LRP5: variants seen among roughly 807,000 people sequenced by gnomAD.
The protein encoded by LRP5 is low-density lipoprotein receptor-related protein 5.
LRP5 carries 62 observed loss-of-function variants against 154.1 expected under a neutral mutation model. That is an observed-to-expected ratio of 0.40 (90% CI 0.33 to 0.50). The LOEUF (loss-of-function observed/expected upper bound fraction) is 0.50, where lower values mean the gene tolerates loss of function less well. LRP5 is among the 20% of genes least tolerant of loss of function. The pLI, the probability that LRP5 is intolerant of heterozygous loss-of-function variation, is 0.55. For missense variants in LRP5, 1,915 were observed against 2,336.7 expected (o/e 0.82, Z 3.72); for synonymous variants, 966 against 1,011.5 (o/e 0.96, Z 0.85).
chr11:68,377,190 AGGAGGGGCTGGCT>A (rs1200590560), intron 5 of LRP5, among the ~76,000 whole-genome samples: 1 of 152,114 alleles, frequency 6.6e-6, no homozygotes. Flanking sequence ...GGGGGGCCAC[AGGAGGGGCTGGCT>A]GGCACCGAGG....
intron 1 of LRP5, among the ~76,000 whole-genome samples, chr11:68,337,287 T>C (rs1473805980): frequency 1.3e-5 from 2 of 152,194 alleles, no homozygotes; most frequent in Non-Finnish European, 2.9e-5. Context: ...AGCTTTGGCA[T>C]CTGGCAGAAC....
intron 13 of LRP5, among the ~76,000 whole-genome samples, chr11:68,421,686 C>CTCTG (rs1554973693): frequency 7.5e-6 from 1 of 133,330 alleles, no homozygotes; most frequent in East Asian, 2.3e-4. Flanking sequence ...CCCAGCAAGG[C>CTCTG]TGTGTGTGTG....
At chr11:68,338,152 G>A (rs1459928581) in intron 1 of LRP5, among the ~76,000 whole-genome samples, 1 of 152,182 alleles carries the variant, frequency 6.6e-6, no homozygotes, top group African/African-American at 2.4e-5. Context: ...ATTCCTGACT[G>A]ATTAATCTCT....
Position 68,386,487 on chromosome 11 carries a change from C to T in LRP5, c.1187C>T (p.Ala396Val), listed in dbSNP as rs2098643108. ...TACTGGACAGATGACGAGGTGCGGG[C>T]CATCCGCAGGGCGTACCTGGACGGG... The part of the protein sequence containing the change: ...YVYWTDDEVR[A>V]IRRAYLDGSG... Residue 396 changes from alanine (A) to valine (V), a missense_variant, in exon 6 of 23, where the codon GCC (alanine) becomes GTC (valine). Ala to Val is a moderately conservative substitution (Grantham distance 64). Around this residue, in one of 3 missense-constraint regions of LRP5, gnomAD observed 773 missense variants for 1,100.9 expected, o/e 0.70. Coordinates refer to ENST00000294304, the MANE Select transcript of LRP5 (RefSeq NM_002335.4). The surrounding 1 kb of genome is among the most constrained non-coding windows in gnomAD (Gnocchi z 7.9). 2 of 1,614,076 alleles carry T rather than the reference C, an allele frequency of 1.2e-6. No homozygotes were observed. Among genetic ancestry groups the T allele is most frequent in the African/African-American group, 2.7e-5 (2 of 75,066 alleles).
In LRP5 at chr11:68,363,956, T is replaced by G. The variant is rs571691077; in HGVS notation, c.883+13T>G. The G allele has an allele frequency of 1.6e-6, 2 of 1,214,958 alleles. No homozygotes were observed. Among genetic ancestry groups the G allele is most frequent in the South Asian group, 3.2e-5 (2 of 62,112 alleles). The allele number at this position is 1,214,958 out of a possible 1,614,324, so 75.3% of individuals were successfully genotyped here. On this transcript the variant is annotated intron_variant, in intron 4 of 22. Coordinates refer to ENST00000294304, the MANE Select transcript of LRP5 (RefSeq NM_002335.4). ...CGGCAGCCTTTCTGTGAGTGCCGGC[T>G]GGGGCGCGGGGGCGAGGGTGCGGGG...
chr11:68,438,874 C>G (rs2098676561), intron 20 of LRP5, among the ~76,000 whole-genome samples, 192 bp downstream of exon 20: 2 of 152,250 alleles, frequency 1.3e-5, no homozygotes, highest in African/African-American at 2.4e-5. Flanking sequence ...CAGAGGCCTG[C>G]ATGGCTGTAG....
intron 4 of LRP5, among the ~76,000 whole-genome samples, chr11:68,364,356 ATATGTGTG>A (rs1340559787): frequency 2.4e-5 from 3 of 127,382 alleles, no homozygotes; most frequent in African/African-American, 5.8e-5. Flanking sequence ...ATATACATAT[ATATGTGTG>A]TGTGTGTGTG....
chr11:68,330,003 A>G (rs1434464315), intron 1 of LRP5, among the ~76,000 whole-genome samples: 2 of 152,184 alleles, frequency 1.3e-5, no homozygotes, highest in Non-Finnish European at 2.9e-5. Flanking sequence ...TAAACCTTCT[A>G]ATTAGTGAAA....
At chr11:68,336,316 G>A (rs933366388) in intron 1 of LRP5, among the ~76,000 whole-genome samples, 3 of 152,154 alleles carry the variant, frequency 2.0e-5, no homozygotes, top group South Asian at 2.1e-4. Context: ...ATATTTGAAC[G>A]TCAAAATGTT....
chr11:68,300,285 A>AT, the LRP5 span, among the ~76,000 whole-genome samples: 2 of 149,042 alleles, frequency 1.3e-5, no homozygotes, highest in African/African-American at 4.9e-5. Flanking sequence ...GGCTCTATGC[A>AT]GGGGTGAGGG....
chr11:68,320,671 A>C (rs1215365196), intron 1 of LRP5, among the ~76,000 whole-genome samples: 4 of 152,150 alleles, frequency 2.6e-5, no homozygotes, highest in Admixed American at 2.0e-4. Context: ...CATGTTGGCC[A>C]GGCTGGTCTC....
chr11:68,400,156 G>T (rs1320684431), intron 7 of LRP5, among the ~76,000 whole-genome samples: 1 of 152,178 alleles, frequency 6.6e-6, no homozygotes, highest in African/African-American at 2.4e-5. Flanking sequence ...GCCCCAGCCG[G>T]GTGGAACAGC....
Position 68,416,545 on chromosome 11 carries a change from A to G in LRP5, c.3027+18A>G. ...GGACCCAGGCAGGTGCCCTGTGGGA[A>G]GGGTGCGGGGTGTGCTTCCCAAGGC... On this transcript the variant is annotated intron_variant, in intron 13 of 22. Transcript: ENST00000294304. 6.2e-7 allele frequency: 1 copy of G among 1,613,374 alleles called. No homozygotes were observed.
intron 5 of LRP5, among the ~76,000 whole-genome samples, chr11:68,383,716 G>A (rs1217617772): frequency 6.6e-6 from 1 of 152,256 alleles, no homozygotes; most frequent in Admixed American, 6.5e-5. Flanking sequence ...CAGTGAGGGT[G>A]GCGCCCTCGC....
chr11:68,321,363 G>T (rs4988300), intron 1 of LRP5, among the ~76,000 whole-genome samples: 74,873 of 151,938 alleles, frequency 0.49, 19,526 homozygotes, highest in African/African-American at 0.64. Context: ...TATTGGCTCT[G>T]CTTGCACGTT....
chr11:68,421,234 A>G (rs2098665447), intron 13 of LRP5, among the ~76,000 whole-genome samples: 1 of 150,736 alleles, frequency 6.6e-6, no homozygotes, highest in Non-Finnish European at 1.5e-5. Flanking sequence ...CTCACGCAAA[A>G]CTCTGTCTCA....
chr11:68,383,014 A>G (rs1372373269), intron 5 of LRP5, among the ~76,000 whole-genome samples: 1 of 152,048 alleles, frequency 6.6e-6, no homozygotes, highest in Admixed American at 6.5e-5. Context: ...AGTAGCTGGA[A>G]TTACAGGAGT....
chr11:68,350,972 G>A (rs4988313), intron 2 of LRP5, among the ~76,000 whole-genome samples: 4 of 152,276 alleles, frequency 2.6e-5, no homozygotes, highest in East Asian at 3.9e-4. Context: ...GCATGCATGC[G>A]TGTGAGTGGA....
chr11:68,357,955 G>A, intron 3 of LRP5, 108 bp downstream of exon 3: 1 of 1,094,890 alleles, frequency 9.1e-7, no homozygotes, highest in Non-Finnish European at 1.3e-6. Flanking sequence ...AAACTCTGGG[G>A]CCCTGAGGAA....
Sources: gnomAD v4.1 joint callset for allele counts (sites outside exome capture counted in the v4.1 genomes callset) on GRCh38, gnomAD v4.1.1 for gene constraint, gnomAD v4.1.1 regional missense constraint, Gnocchi (gnomAD v3.1) non-coding constraint, MANE v1.5 for transcripts, NCBI Gene and HGNC (gene_info 2026-07-23, HGNC 2026-07-21) for gene names.